The following ANKS1B variants were observed in gnomAD, a reference collection of about 807,000 sequenced individuals.
ANKS1B encodes ankyrin repeat and sterile alpha motif domain containing 1B.
A neutral mutation model predicts 148.3 loss-of-function variants in ANKS1B; 36 were observed. The observed-to-expected ratio is 0.24, with a 90% confidence interval of 0.19 to 0.32. The LOEUF (loss-of-function observed/expected upper bound fraction) is 0.32, where lower values mean the gene tolerates loss of function less well. Among genes scored for constraint, ANKS1B ranks in the 10% least tolerant of loss-of-function variants. The probability of loss-of-function intolerance (pLI) is 1.00; values close to 1 mark genes in which losing one functional copy is unlikely to be tolerated. For missense variants in ANKS1B, 1,157 were observed against 1,542.6 expected (o/e 0.75, Z 4.19); for synonymous variants, 542 against 560.8 (o/e 0.97, Z 0.47).
downstream of ANKS1B, among the ~76,000 whole-genome samples, chr12:98,743,776 G>T (rs746574945): frequency 5.9e-5 from 9 of 152,148 alleles, no homozygotes; most frequent in Non-Finnish European, 1.0e-4. Flanking sequence ...AGGCAGTGGG[G>T]GCTTTAGGTT....
intron 4 of ANKS1B, among the ~76,000 whole-genome samples, chr12:99,797,232 T>G (rs544881387): frequency 1.3e-5 from 2 of 151,852 alleles, no homozygotes; most frequent in African/African-American, 2.4e-5. Context: ...TAAAGTAAGA[T>G]TTAAAAAAAA....
intron 14 of ANKS1B, among the ~76,000 whole-genome samples, chr12:99,214,771 G>A (rs935784806): frequency 3.3e-5 from 5 of 152,194 alleles, no homozygotes; most frequent in African/African-American, 7.2e-5. Flanking sequence ...GGAACACTTT[G>A]GAGGGCTCAG....
At chr12:99,595,080 T>G (rs1047411327) in intron 9 of ANKS1B, among the ~76,000 whole-genome samples, 1 of 152,004 alleles carries the variant, frequency 6.6e-6, no homozygotes, top group Non-Finnish European at 1.5e-5. Flanking sequence ...GCACAAATAA[T>G]AGTTTAACTC....
chr12:99,689,344 C>T (rs183252425), intron 8 of ANKS1B, among the ~76,000 whole-genome samples: 6 of 152,222 alleles, frequency 3.9e-5, no homozygotes, highest in African/African-American at 1.4e-4. Context: ...AAGAACCAGG[C>T]AGAGGGATCA....
chr12:98,852,621 G>A (rs1395424051), intron 17 of ANKS1B, among the ~76,000 whole-genome samples: 6 of 152,070 alleles, frequency 3.9e-5, no homozygotes, highest in Admixed American at 6.5e-5. Context: ...TAATCCCCAC[G>A]GACTATGAGT....
At chr12:99,399,607 G>A (rs766892683) in intron 12 of ANKS1B, 24 bp downstream of exon 12, 1 of 1,603,862 alleles carries the variant, frequency 6.2e-7, no homozygotes. Context: ...TAAAAATACA[G>A]CTGCATAAAG....
At chr12:99,110,303 T>C (rs151309971) in intron 15 of ANKS1B, among the ~76,000 whole-genome samples, 9 of 152,286 alleles carry the variant, frequency 5.9e-5, no homozygotes, top group African/African-American at 1.7e-4. Flanking sequence ...TAAAATAAAT[T>C]AGATTTTTAA....
At chr12:99,972,242 T>C (rs115821123) in intron 1 of ANKS1B, among the ~76,000 whole-genome samples, 1,677 of 152,290 alleles carry the variant, frequency 0.011, 41 homozygotes, top group African/African-American at 0.038. Context: ...GTTTCTCACT[T>C]TAAACGAAAA....
intron 17 of ANKS1B, among the ~76,000 whole-genome samples, chr12:98,983,204 T>A (rs2099916291): frequency 6.6e-6 from 1 of 152,212 alleles, no homozygotes; most frequent in Admixed American, 6.5e-5. Flanking sequence ...GACTCTTATC[T>A]AGAGGCGCTG....
chr12:99,226,266 T>C (rs2085923508), intron 14 of ANKS1B, among the ~76,000 whole-genome samples: 2 of 152,206 alleles, frequency 1.3e-5, no homozygotes, highest in Admixed American at 1.3e-4. Context: ...TTCTTTCTTT[T>C]ATTCTTATAA....
intron 9 of ANKS1B, among the ~76,000 whole-genome samples, chr12:99,533,015 TG>T (rs1364359959): frequency 6.6e-6 from 1 of 152,238 alleles, no homozygotes; most frequent in African/African-American, 2.4e-5. Context: ...TAGGCTTTTT[TG>T]GTTGGTTCCT....
intron 12 of ANKS1B, among the ~76,000 whole-genome samples, chr12:99,322,488 A>AAAAAAG (rs1566890213): frequency 6.6e-6 from 1 of 151,836 alleles, no homozygotes; most frequent in African/African-American, 2.4e-5. Flanking sequence ...AAAAAAAAAA[A>AAAAAAG]AAAAAGAAAA....
chr12:99,126,347 G>C (rs944874600), intron 15 of ANKS1B, among the ~76,000 whole-genome samples: 5 of 152,262 alleles, frequency 3.3e-5, no homozygotes, highest in Admixed American at 1.3e-4. Flanking sequence ...AGGAAGAAAG[G>C]GGGTAGGGTA....
At chr12:99,332,844 T>G (rs1468176240) in intron 12 of ANKS1B, among the ~76,000 whole-genome samples, 1 of 151,704 alleles carries the variant, frequency 6.6e-6, no homozygotes, top group Non-Finnish European at 1.5e-5. Flanking sequence ...TCAGAGAACT[T>G]TAAGTAATTC....
At chr12:99,733,914 C>G (rs61940284) in intron 8 of ANKS1B, among the ~76,000 whole-genome samples, 1,634 of 152,274 alleles carry the variant, frequency 0.011, 19 homozygotes, top group Non-Finnish European at 0.019. Flanking sequence ...TAGAAAAGTA[C>G]GCTGCCTTGA....
intron 17 of ANKS1B, among the ~76,000 whole-genome samples, chr12:99,051,919 C>T (rs1175334504): frequency 2.0e-5 from 3 of 150,650 alleles, no homozygotes; most frequent in Non-Finnish European, 3.0e-5. Flanking sequence ...TGTGTAGAAC[C>T]GGGACTTTTG....
At chr12:99,845,964 T>C (rs1272359508) in intron 1 of ANKS1B, among the ~76,000 whole-genome samples, 1 of 152,096 alleles carries the variant, frequency 6.6e-6, no homozygotes, top group Non-Finnish European at 1.5e-5. Context: ...AATTAAATGT[T>C]TTATTATTAT....
chr12:99,277,705 T>C (rs1219124859), intron 12 of ANKS1B, among the ~76,000 whole-genome samples: 2 of 152,196 alleles, frequency 1.3e-5, no homozygotes, highest in South Asian at 4.1e-4. Flanking sequence ...TTCAAGATAG[T>C]ATGTGCTTTT....
At chr12:99,019,510 A>G (rs931964433) in intron 17 of ANKS1B, among the ~76,000 whole-genome samples, 8 of 152,194 alleles carry the variant, frequency 5.3e-5, no homozygotes, top group African/African-American at 1.9e-4. Flanking sequence ...AATAACTGAT[A>G]AAGAGATACT....
Sources: allele counts gnomAD v4.1 joint callset (sites outside exome capture counted in the v4.1 genomes callset), GRCh38; gene constraint gnomAD v4.1.1; transcripts MANE v1.5; gene names NCBI Gene and HGNC (gene_info 2026-07-23, HGNC 2026-07-21).